The following SMG6 variants were observed in gnomAD, a reference collection of about 807,000 sequenced individuals.
SMG6 encodes the protein telomerase-binding protein EST1A.
SMG6 carries 66 observed loss-of-function variants against 142.2 expected under a neutral mutation model. That is an observed-to-expected ratio of 0.46 (90% CI 0.38 to 0.57). The LOEUF is 0.57. SMG6 is among the 20% of genes least tolerant of loss of function. The pLI, the probability that SMG6 is intolerant of heterozygous loss-of-function variation, is 0.00. For synonymous variants in SMG6, 779 were observed against 702.4 expected (o/e 1.11, Z -1.72); for missense variants, 1,793 against 1,832.0 (o/e 0.98, Z 0.39).
Position 2,165,774 on chromosome 17 carries a change from G to A in SMG6, c.3357+6884C>T, listed in dbSNP as rs566623629. Among the ~76,000 whole-genome samples, 99 of 152,194 alleles carry A rather than the reference G, an allele frequency of 6.5e-4. No homozygotes were observed. The South Asian group carries it at 0.02, about 30-fold the overall frequency. ...AAAATAATTAGCCAGGTGAGGTGAC[G>A]CTTGCCTGTAGTCCCAGCTACTCAG... is the stretch of plus-strand genomic sequence containing the variant. On this transcript the variant is annotated intron_variant, in intron 13 of 18. Transcript: ENST00000263073.
chr17:2,082,827 G>A (rs1013320203), intron 14 of SMG6, among the ~76,000 whole-genome samples: 1 of 152,228 alleles, frequency 6.6e-6, no homozygotes, highest in Non-Finnish European at 1.5e-5. Context: ...TAATTTAGTA[G>A]AAGGTTCCTG....
Position 2,085,744 on chromosome 17 carries a change from C to T in SMG6, c.3515G>A (p.Gly1172Glu), listed in dbSNP as rs1413609373. 47 of 1,613,804 alleles carry T rather than the reference C, an allele frequency of 2.9e-5. No homozygotes were observed. The highest frequency in any genetic ancestry group is 4.0e-5 in the Non-Finnish European group (47 of 1,179,932). Residue 1172 changes from glycine (G) to glutamate (E), a missense_variant, in exon 14 of 19, where the codon GGA (glycine) becomes GAA (glutamate). By Grantham distance (98) the Gly-to-Glu change is moderately conservative. This residue lies in a region of SMG6 where 1,597 missense variants were observed against 1,584.6 expected (regional missense o/e 1.01). Transcript: ENST00000263073. This position sits in a 1 kb window ranked among gnomAD's most constrained non-coding sequence, Gnocchi z 4.1. ...TAGTACCTCATCTTCCAGTCGTGTT[C>T]CCTCTTGGCTTCCCATTTCCTTTCC... The part of the protein sequence containing the change: ...TMGKEMGSQE[G>E]TRLEDEEEDV...
chr17:2,294,635 C>T (rs889246880), intron 4 of SMG6, among the ~76,000 whole-genome samples: 2 of 152,144 alleles, frequency 1.3e-5, no homozygotes, highest in Non-Finnish European at 2.9e-5. Flanking sequence ...CGGCCTTCAG[C>T]GTTAGTTTAA....
At chr17:2,225,075 A>G (rs898499048) in intron 10 of SMG6, among the ~76,000 whole-genome samples, 3 of 152,244 alleles carry the variant, frequency 2.0e-5, no homozygotes, top group Non-Finnish European at 1.5e-5. Flanking sequence ...TTGCCTTCAA[A>G]AGAACTTCAC....
At chr17:2,244,525 G>A (rs1190069595) in intron 9 of SMG6, 133 bp downstream of exon 9, 3 of 659,360 alleles carry the variant, frequency 4.5e-6, no homozygotes, top group African/African-American at 3.6e-5. Flanking sequence ...GAAGGGAAGA[G>A]AAGAGAAGGT....
chr17:2,114,089 G>A (rs561661917), intron 13 of SMG6, among the ~76,000 whole-genome samples: 1 of 152,212 alleles, frequency 6.6e-6, no homozygotes, highest in Admixed American at 6.5e-5. Context: ...CCAACATGGC[G>A]AAACCCCGTC....
At chr17:2,285,462 T>A (rs1319056443) in intron 6 of SMG6, among the ~76,000 whole-genome samples, 3 of 152,108 alleles carry the variant, frequency 2.0e-5, no homozygotes, top group Non-Finnish European at 2.9e-5. Context: ...TTCAGCACAG[T>A]TGCAACATAC....
intron 13 of SMG6, among the ~76,000 whole-genome samples, chr17:2,165,652 G>T (rs959706550): frequency 1.3e-5 from 2 of 152,180 alleles, no homozygotes; most frequent in African/African-American, 4.8e-5. Context: ...TTATCTGTGG[G>T]TCACTCTGGG....
chr17:2,248,243 A>T (rs1425977468), intron 8 of SMG6, among the ~76,000 whole-genome samples: 1 of 152,240 alleles, frequency 6.6e-6, no homozygotes, highest in African/African-American at 2.4e-5. Flanking sequence ...AGGTCTTCAG[A>T]TTCCAAACAC....
rs752638129 is a variant in SMG6 at position 2,244,761 on chromosome 17, C to T, written c.2662-42G>A. 4 of 1,549,438 alleles carry T rather than the reference C, an allele frequency of 2.6e-6. No homozygotes were observed. In the South Asian group the frequency reaches 4.5e-5, roughly 17 times the overall value. The stretch of plus-strand genomic sequence containing the variant: ...GAGAGGAGAAAACAATTAAACTTTC[C>T]CCAGTTTCCTGTTACTGAACAGAGT... On this transcript the variant is annotated intron_variant, in intron 8 of 18. Transcript: ENST00000263073.
At chr17:2,120,851 T>C (rs1171524081) in intron 13 of SMG6, among the ~76,000 whole-genome samples, 4 of 152,152 alleles carry the variant, frequency 2.6e-5, no homozygotes, top group East Asian at 1.9e-4. Flanking sequence ...GTCATAATTG[T>C]TGGAGTCTAA....
Position 2,292,536 on chromosome 17 carries a change from C to T in SMG6, c.2337+16G>A. The T allele has an allele frequency of 6.2e-7, 1 of 1,613,302 alleles. No individual in the cohort carries two copies. Among genetic ancestry groups the T allele is most frequent in the Non-Finnish European group, 8.5e-7 (1 of 1,179,456 alleles). On this transcript the variant is annotated intron_variant, in intron 6 of 18. Transcript: ENST00000263073. The stretch of plus-strand genomic sequence containing the variant: ...TTCCTGCAAAGCACTTTTCCCCTGT[C>T]CACAGGATTTCTTACCGTATACACT...
chr17:2,179,735 A>G (rs1375619586), intron 12 of SMG6, among the ~76,000 whole-genome samples: 1 of 152,090 alleles, frequency 6.6e-6, no homozygotes, highest in Non-Finnish European at 1.5e-5. Flanking sequence ...CCATTATGTA[A>G]CCCTGGTCAT....
chr17:2,157,500 A>G (rs142818932), intron 13 of SMG6, among the ~76,000 whole-genome samples: 2 of 152,334 alleles, frequency 1.3e-5, no homozygotes, highest in East Asian at 3.9e-4. Flanking sequence ...TGGTACCCCT[A>G]TCACAAAGGT....
At chr17:2,114,358 C>T (rs1011479588) in intron 13 of SMG6, among the ~76,000 whole-genome samples, 25 of 152,168 alleles carry the variant, frequency 1.6e-4, no homozygotes, top group Admixed American at 1.5e-3. Flanking sequence ...TGCTTCTCTT[C>T]TATCCTTCCA....
intron 13 of SMG6, among the ~76,000 whole-genome samples, chr17:2,171,528 C>A (rs545689507): frequency 7.0e-6 from 1 of 142,062 alleles, no homozygotes; most frequent in South Asian, 2.3e-4. Flanking sequence ...CTCTTTTATA[C>A]TAAAAACTGT....
At chr17:2,119,353 G>A (rs1046784271) in intron 13 of SMG6, among the ~76,000 whole-genome samples, 5 of 151,850 alleles carry the variant, frequency 3.3e-5, no homozygotes, top group South Asian at 2.1e-4. Context: ...CACTGCGCCC[G>A]GCCATAATTT....
In SMG6 at chr17:2,299,220, G is replaced by T. The variant is rs530483807; in HGVS notation, c.1533C>A (p.Pro511=). 5 of 1,613,792 alleles carry T rather than the reference G, an allele frequency of 3.1e-6. No homozygotes were observed. The African/African-American group carries it at 6.7e-5, about 22-fold the overall frequency. Reference sequence around the variant, plus strand: ...ACTGGGAGGCAGGGCCTGGTGTCCGGGGGTAATAATAGGGGTTGTCAGAGT... The same window carrying T: ...ACTGGGAGGCAGGGCCTGGTGTCCGTGGGTAATAATAGGGGTTGTCAGAGT... ...FQNSDNPYYY[P]RTPGPASQYP... The change falls in exon 2 of 19, where the codon CCC becomes CCA. Residue 511 remains proline (P), a synonymous_variant. Coordinates refer to ENST00000263073, the MANE Select transcript of SMG6 (RefSeq NM_017575.5). The surrounding 1 kb of genome is among the most constrained non-coding windows in gnomAD (Gnocchi z 4.3).
chr17:2,255,931 G>C (rs1001685430), intron 8 of SMG6: 1 of 218,408 alleles, frequency 4.6e-6, no homozygotes, highest in East Asian at 1.6e-4. Context: ...ACTCAGGGTT[G>C]AATGGATTAA....
Sources: allele counts gnomAD v4.1 joint callset (sites outside exome capture counted in the v4.1 genomes callset), GRCh38; gene constraint gnomAD v4.1.1; regional missense constraint gnomAD v4.1.1; non-coding constraint Gnocchi (gnomAD v3.1); transcripts MANE v1.5; gene names NCBI Gene and HGNC (gene_info 2026-07-23, HGNC 2026-07-21).